Variants in NCR1 observed in about 807,000 individuals in gnomAD.
The protein encoded by NCR1 is NK cell-activating receptor.
A neutral mutation model predicts 32.5 loss-of-function variants in NCR1; 30 were observed. The ratio of observed to expected loss-of-function variants is 0.92; its 90% CI spans 0.69 to 1.25. NCR1 has a LOEUF of 1.25. NCR1 is among the 50% of genes most tolerant of loss of function. The probability of loss-of-function intolerance (pLI) is 0.00; values close to 1 mark genes in which losing one functional copy is unlikely to be tolerated. For missense variants in NCR1, 369 were observed against 380.7 expected (o/e 0.97, Z 0.26); for synonymous variants, 169 against 143.4 (o/e 1.18, Z -1.28).
At chr19:54,898,676 C>T in the NCR1 span, among the ~76,000 whole-genome samples, 17,526 of 151,988 alleles carry the variant, frequency 0.12, 1,065 homozygotes, top group Non-Finnish European at 0.13. Context: ...GGCTGTAAAG[C>T]GTCTCAGGGT....
chr19:54,923,947 C>A, the NCR1 span: 9 of 1,499,644 alleles, frequency 6.0e-6, no homozygotes, highest in Non-Finnish European at 8.3e-6. Flanking sequence ...TATCTGTTTT[C>A]AAACACTCAA....
At chr19:54,926,741 C>A in the NCR1 span, among the ~76,000 whole-genome samples, 1 of 151,760 alleles carries the variant, frequency 6.6e-6, no homozygotes, top group Non-Finnish European at 1.5e-5. Context: ...CATGGCAAAA[C>A]CCCATCTCTA....
At chr19:54,932,863 G>C in the NCR1 span, among the ~76,000 whole-genome samples, 6 of 151,812 alleles carry the variant, frequency 4.0e-5, no homozygotes, top group African/African-American at 1.5e-4. Context: ...CACCATGTTG[G>C]CCAGGCTGGT....
the NCR1 span, among the ~76,000 whole-genome samples, chr19:54,931,737 C>T: frequency 6.6e-6 from 1 of 151,688 alleles, no homozygotes; most frequent in African/African-American, 2.4e-5. Context: ...GTAATCCTAG[C>T]TACTCAGGAG....
the NCR1 span, among the ~76,000 whole-genome samples, chr19:54,926,021 A>T: frequency 6.6e-6 from 1 of 151,198 alleles, no homozygotes; most frequent in Non-Finnish European, 1.5e-5. Flanking sequence ...GACAGATTCA[A>T]AAAAAAAGAC....
At position 54,906,822 on chromosome 19, in the gene NCR1, C is replaced by G. The variant is rs1328569338; in HGVS notation, c.355+15C>G. The G allele has an allele frequency of 3.7e-6, 6 of 1,612,554 alleles. No homozygotes were observed. The highest frequency in any genetic ancestry group is 1.3e-5 in the African/African-American group (1 of 74,858). Reference sequence around the variant, plus strand: ...GGTGGTAACAGGTAACTGTCCGGTTCTCTAACTGGAGAGTGATCTCAGTCT... The same window carrying G: ...GGTGGTAACAGGTAACTGTCCGGTTGTCTAACTGGAGAGTGATCTCAGTCT... On this transcript the variant is annotated intron_variant, in intron 3 of 6. Transcript: ENST00000291890.
At chr19:54,907,477 A>G (rs2067694380) in intron 3 of NCR1, among the ~76,000 whole-genome samples, 1 of 108,258 alleles carries the variant, frequency 9.2e-6, no homozygotes, top group Non-Finnish European at 1.9e-5. Flanking sequence ...AAAAAAAAAA[A>G]AAATTAGCTT....
the NCR1 span, chr19:54,934,401 G>A: frequency 2.0e-4 from 266 of 1,335,578 alleles, 1 homozygote; most frequent in East Asian, 1.2e-3. The surrounding 1 kb of genome is among the most constrained non-coding windows in gnomAD (Gnocchi z 6.7). Context: ...GAGGCGCCAC[G>A]TGGGTGGCGC....
chr19:54,909,275 A>C lies in NCR1; in HGVS notation c.386A>C (p.His129Pro). The C allele has an allele frequency of 6.2e-7, 1 of 1,613,962 alleles. No homozygotes were observed. The highest frequency in any genetic ancestry group is 1.1e-5 in the South Asian group (1 of 91,082). ...EMYDTPTLSVHPGPEVISGEK... is the reference protein window; with the variant it reads ...EMYDTPTLSVPPGPEVISGEK... ...TATGACACACCCACCCTCTCGGTTC[A>C]TCCTGGACCCGAAGTGATCTCGGGA... The change falls in exon 4 of 7, where the codon CAT (histidine) becomes CCT (proline). Residue 129 changes from histidine to proline, a missense_variant. Physicochemically the swap from His to Pro is moderately conservative, Grantham distance 77 (BLOSUM62 -2). Transcript: ENST00000291890.
chr19:54,916,284 C>G (rs1259648848), downstream of NCR1: 1 of 148,414 alleles, frequency 6.7e-6, no homozygotes, highest in Non-Finnish European at 1.5e-5. Context: ...ATCAGACCCC[C>G]AGAACTAACT....
chr19:54,912,938 A>T lies in NCR1; in HGVS notation c.*67A>T. 3.3e-6 allele frequency: 5 copies of T among 1,524,496 alleles called. No homozygotes were observed. The highest frequency in any genetic ancestry group is 4.4e-6 in the Non-Finnish European group (5 of 1,125,076). 94.4% of individuals were successfully genotyped at this position (1,524,496 alleles called of 1,614,324 possible). On this transcript the variant is annotated 3_prime_UTR_variant, in exon 7 of 7. Coordinates refer to ENST00000291890, the MANE Select transcript of NCR1 (RefSeq NM_004829.7). The stretch of plus-strand genomic sequence containing the variant: ...GCTGGTGTTGAGCCTGGGCGGCGTG[A>T]GCTCTGTGTTGGACCCACGGAGGAG...
At chr19:54,916,338 T>TTTTTTTTG (rs1556721210), downstream of NCR1, among the ~76,000 whole-genome samples, 13 of 132,084 alleles carry the variant, frequency 9.8e-5, no homozygotes, top group African/African-American at 2.6e-4. Flanking sequence ...TTTTTTTTTT[T>TTTTTTTTG]GAGACGAAGT....
At chr19:54,919,836 G>A (rs547927446), downstream of NCR1, among the ~76,000 whole-genome samples, 164 of 152,014 alleles carry the variant, frequency 1.1e-3, no homozygotes, top group African/African-American at 2.2e-3. Context: ...AGACGCTGGC[G>A]TCACCGCTAG....
the NCR1 span, among the ~76,000 whole-genome samples, chr19:54,925,648 T>C: frequency 6.6e-6 from 1 of 151,936 alleles, no homozygotes; most frequent in African/African-American, 2.4e-5. Context: ...GAGCAAAACG[T>C]TGTCTCAGAA....
chr19:54,913,654 A>G (rs1431025513), downstream of NCR1, among the ~76,000 whole-genome samples: 1 of 152,140 alleles, frequency 6.6e-6, no homozygotes, highest in East Asian at 1.9e-4. Context: ...GAATCCTGCC[A>G]GGCACGGTGG....
At position 54,912,174 on chromosome 19, in the gene NCR1, C is replaced by T. The variant is rs370635964; in HGVS notation, c.689C>T (p.Thr230Ile). 2 of 1,613,892 alleles carry T rather than the reference C, an allele frequency of 1.2e-6. No homozygotes were observed. Among genetic ancestry groups the T allele is most frequent in the African/African-American group, 2.7e-5 (2 of 74,988 alleles). The stretch of plus-strand genomic sequence containing the variant: ...TCACTTCCCTTATCATCAGCAGACA[C>T]TTGGGGCACCTACCTTTTAACCACA... ...APEDPTFPAD[T>I]WGTYLLTTET... The change falls in exon 6 of 7, where the codon ACT becomes ATT. Residue 230 changes from threonine to isoleucine, a missense_variant. Coordinates refer to ENST00000291890, the MANE Select transcript of NCR1 (RefSeq NM_004829.7).
upstream of NCR1, among the ~76,000 whole-genome samples, chr19:54,905,006 C>A (rs2067490674): frequency 6.6e-6 from 1 of 152,170 alleles, no homozygotes; most frequent in Non-Finnish European, 1.5e-5. Context: ...TGGGTGGATT[C>A]CATGTCTTCA....
At chr19:54,905,924 T>A (rs1190481907), upstream of NCR1, among the ~76,000 whole-genome samples, 1 of 152,174 alleles carries the variant, frequency 6.6e-6, no homozygotes, top group East Asian at 1.9e-4. Flanking sequence ...AATTGAGAAG[T>A]TGACCCAGAA....
At chr19:54,903,438 A>G (rs1011890698), upstream of NCR1, among the ~76,000 whole-genome samples, 1 of 127,820 alleles carries the variant, frequency 7.8e-6, no homozygotes, top group East Asian at 5.0e-4. Flanking sequence ...ATACACGCAT[A>G]CATGTATGTA....
Sources: allele counts gnomAD v4.1 joint callset (sites outside exome capture counted in the v4.1 genomes callset), GRCh38; gene constraint gnomAD v4.1.1; non-coding constraint Gnocchi (gnomAD v3.1); transcripts MANE v1.5; gene names NCBI Gene and HGNC (gene_info 2026-07-23, HGNC 2026-07-21).